The following SNX10 variants were observed in gnomAD, a reference collection of about 807,000 sequenced individuals.
SNX10 encodes the protein sorting nexin 10.
Under a neutral mutation model 28.5 loss-of-function variants are expected in SNX10, and 25 were observed. The observed-to-expected ratio is 0.88, with a 90% CI of 0.64 to 1.22. SNX10 has a LOEUF of 1.22. Among genes scored for constraint, SNX10 ranks in the 50% most tolerant of loss-of-function variants. The pLI is 0.00. For synonymous variants in SNX10, 62 were observed against 81.4 expected (o/e 0.76, Z 1.28); for missense variants, 223 against 242.6 (o/e 0.92, Z 0.54).
chr7:26,326,382 A>G (rs932469092), intron 1 of SNX10, among the ~76,000 whole-genome samples: 1 of 152,108 alleles, frequency 6.6e-6, no homozygotes, highest in African/African-American at 2.4e-5. Flanking sequence ...ATTTCTCTAG[A>G]GCCTCATTTT....
At chr7:26,363,916 G>A (rs1458625464) in intron 3 of SNX10, among the ~76,000 whole-genome samples, 1 of 152,210 alleles carries the variant, frequency 6.6e-6, no homozygotes, top group Non-Finnish European at 1.5e-5. Flanking sequence ...GCAGAACCAG[G>A]ACTGGAATTC....
intron 1 of SNX10, among the ~76,000 whole-genome samples, chr7:26,311,851 C>T (rs1786864696): frequency 7.2e-6 from 1 of 138,140 alleles, no homozygotes; most frequent in African/African-American, 3.3e-5. Flanking sequence ...TTGGAGACAT[C>T]CTTTAAGATT....
intron 1 of SNX10, among the ~76,000 whole-genome samples, chr7:26,333,233 A>G (rs569133835): frequency 1.4e-4 from 21 of 148,420 alleles, no homozygotes; most frequent in African/African-American, 5.2e-4. Context: ...GTTTATTTTG[A>G]TCTCTTAATT....
chr7:26,346,431 C>G lies in SNX10; in HGVS notation c.-12C>G, dbSNP rs777258893. On this transcript the variant is annotated 5_prime_UTR_variant, in exon 2 of 7. Coordinates refer to ENST00000338523, the MANE Select transcript of SNX10 (RefSeq NM_013322.3). Reference sequence around the variant, plus strand: ...ATCTTATTTTTCAGATTGATCGTGTCCTGTGCTGAAGATGTTTCCGGAACA... The same window carrying G: ...ATCTTATTTTTCAGATTGATCGTGTGCTGTGCTGAAGATGTTTCCGGAACA... 3.7e-6 allele frequency: 6 copies of G among 1,606,166 alleles called. No individual in the cohort carries two copies. Among genetic ancestry groups the G allele is most frequent in the Non-Finnish European group, 5.1e-6 (6 of 1,172,770 alleles).
At chr7:26,372,337 C>T (rs1335818684) in intron 6 of SNX10, 154 bp from the exon 7 acceptor site, 1 of 652,478 alleles carries the variant, frequency 1.5e-6, no homozygotes, top group Non-Finnish European at 2.7e-6. Flanking sequence ...AAAAAATACC[C>T]AACTGCACTC....
At position 26,353,236 on chromosome 7, in the gene SNX10, A is replaced by C. The variant is rs529472175; in HGVS notation, c.24+6770A>C. On this transcript the variant is annotated intron_variant, in intron 2 of 6. Transcript: ENST00000338523. ...ACTCCATGCTGTAGAGTGGCAAGTAATATCCCTTGTCATATGTCTCTTAAG... is the reference window on the plus strand; with the variant it reads ...ACTCCATGCTGTAGAGTGGCAAGTACTATCCCTTGTCATATGTCTCTTAAG... Among the ~76,000 whole-genome samples, 3 of 152,288 alleles carry C rather than the reference A, an allele frequency of 2.0e-5. No homozygotes were observed. The South Asian group carries it at 6.2e-4, about 32-fold the overall frequency.
intron 2 of SNX10, among the ~76,000 whole-genome samples, chr7:26,360,043 C>T (rs1357292582): frequency 1.3e-5 from 2 of 151,890 alleles, no homozygotes; most frequent in Non-Finnish European, 2.9e-5. Context: ...TTTTAATATC[C>T]CTAACTTCTA....
intron 2 of SNX10, among the ~76,000 whole-genome samples, chr7:26,355,730 A>G (rs1350358490): frequency 6.6e-6 from 1 of 152,202 alleles, no homozygotes; most frequent in Non-Finnish European, 1.5e-5. Flanking sequence ...AAAACAATAC[A>G]ATTACAGTGA....
intron 1 of SNX10, among the ~76,000 whole-genome samples, chr7:26,320,589 C>T (rs913793601): frequency 1.3e-5 from 2 of 151,996 alleles, no homozygotes; most frequent in African/African-American, 4.8e-5. Context: ...CCCGCCACCA[C>T]GCCCTGCTAA....
intron 2 of SNX10, among the ~76,000 whole-genome samples, chr7:26,351,646 GTTTTTTTTTTTTGTTTTT>G (rs1788603242): frequency 8.9e-6 from 1 of 112,636 alleles, no homozygotes; most frequent in Admixed American, 1.1e-4. Context: ...AAGCAGTCTG[GTTTTTTTTTTTTGTTTTT>G]TTTTTTTTTT....
At chr7:26,311,323 A>G (rs1304912785) in intron 1 of SNX10, among the ~76,000 whole-genome samples, 1 of 151,958 alleles carries the variant, frequency 6.6e-6, no homozygotes, top group Non-Finnish European at 1.5e-5. Context: ...CTAATTTTTA[A>G]TATTTTTAGT....
intron 1 of SNX10, among the ~76,000 whole-genome samples, chr7:26,327,925 G>T (rs2128003201): frequency 6.6e-6 from 1 of 151,554 alleles, no homozygotes; most frequent in Non-Finnish European, 1.5e-5. Context: ...GTAGAGGCAG[G>T]GTTTCACCGT....
chr7:26,371,759 TCTTCTACCC>T, intron 5 of SNX10, 53 bp from the exon 6 acceptor site: 5 of 1,172,086 alleles, frequency 4.3e-6, no homozygotes, highest in African/African-American at 3.1e-5. Context: ...TGTTTTTCTT[TCTTCTACCC>T]TATCACTGAC....
chr7:26,320,799 A>G (rs1333792379), intron 1 of SNX10, among the ~76,000 whole-genome samples: 4 of 152,200 alleles, frequency 2.6e-5, no homozygotes, highest in Admixed American at 1.3e-4. Context: ...TCATGCTGCT[A>G]TTGTTCAGCC....
chr7:26,365,667 C>A (rs892983698), intron 5 of SNX10, among the ~76,000 whole-genome samples: 1 of 152,140 alleles, frequency 6.6e-6, no homozygotes, highest in Non-Finnish European at 1.5e-5. Flanking sequence ...CTCTGGATTA[C>A]TCTGTGATGG....
intron 2 of SNX10, among the ~76,000 whole-genome samples, chr7:26,353,178 A>G (rs1788674616): frequency 1.3e-5 from 2 of 152,226 alleles, no homozygotes; most frequent in African/African-American, 4.8e-5. Context: ...AAAAATCATC[A>G]TTCAGTACCA....
chr7:26,350,917 G>C (rs1788572004), intron 2 of SNX10, among the ~76,000 whole-genome samples: 3 of 151,848 alleles, frequency 2.0e-5, no homozygotes, highest in African/African-American at 7.3e-5. Context: ...TTTTTTCTGA[G>C]CTTGTCCCAG....
chr7:26,334,571 T>G (rs1295951961), intron 1 of SNX10, among the ~76,000 whole-genome samples: 2 of 152,204 alleles, frequency 1.3e-5, no homozygotes, highest in Non-Finnish European at 2.9e-5. Flanking sequence ...CTGTAATTTT[T>G]TTTGTTTCTT....
intron 1 of SNX10, among the ~76,000 whole-genome samples, chr7:26,345,951 T>A (rs1188451493): frequency 6.6e-6 from 1 of 152,102 alleles, no homozygotes; most frequent in Non-Finnish European, 1.5e-5. Context: ...CACCATCTCT[T>A]ATGTGACCTC....
Sources: gnomAD v4.1 joint callset for allele counts (sites outside exome capture counted in the v4.1 genomes callset) on GRCh38, gnomAD v4.1.1 for gene constraint, MANE v1.5 for transcripts, NCBI Gene and HGNC (gene_info 2026-07-23, HGNC 2026-07-21) for gene names.